Variants in ZNF536 observed in about 807,000 individuals in gnomAD.
ZNF536 encodes the protein zinc finger protein 536.
A neutral mutation model predicts 84.5 loss-of-function variants in ZNF536; 13 were observed. That is an observed-to-expected ratio of 0.15 (90% CI 0.10 to 0.24). The LOEUF (loss-of-function observed/expected upper bound fraction) is 0.24, where lower values mean the gene tolerates loss of function less well. ZNF536 is among the 10% of genes least tolerant of loss of function. The pLI, the probability that ZNF536 is intolerant of heterozygous loss-of-function variation, is 1.00. For missense variants in ZNF536, 1,536 were observed against 1,747.5 expected, an observed-to-expected ratio of 0.88 and a Z score of 2.16; for synonymous variants, 811 against 742.5, an observed-to-expected ratio of 1.09 and a Z score of -1.50.
At chr19:30,526,819 T>C (rs1029422116) in intron 2 of ZNF536, among the ~76,000 whole-genome samples, 5 of 152,182 alleles carry the variant, frequency 3.3e-5, no homozygotes, top group Admixed American at 3.3e-4. Flanking sequence ...CCTGGTATAT[T>C]TTAAGGAAAA....
intron 1 of ZNF536, among the ~76,000 whole-genome samples, chr19:30,248,756 G>C (rs1170436704): frequency 6.6e-6 from 1 of 152,048 alleles, no homozygotes; most frequent in Non-Finnish European, 1.5e-5. Context: ...TTTTGACCTT[G>C]GCCAGCAGTG....
At chr19:30,246,881 A>G (rs2024309820) in intron 1 of ZNF536, among the ~76,000 whole-genome samples, 1 of 152,214 alleles carries the variant, frequency 6.6e-6, no homozygotes, top group East Asian at 1.9e-4. Flanking sequence ...ATTTGAAGAC[A>G]CTATTATTCA....
chr19:30,400,550 T>C (rs149940041), intron 1 of ZNF536, among the ~76,000 whole-genome samples: 6 of 152,158 alleles, frequency 3.9e-5, no homozygotes, highest in Non-Finnish European at 8.8e-5. Flanking sequence ...ATTTATTGAG[T>C]TGAGTTTTGA....
At chr19:30,352,018 A>G (rs1201803665) in intron 2 of ZNF536, among the ~76,000 whole-genome samples, 1 of 152,236 alleles carries the variant, frequency 6.6e-6, no homozygotes, top group Non-Finnish European at 1.5e-5. Context: ...AGGTGTAAAT[A>G]GCATTAAAAG....
At chr19:30,287,739 T>G in intron 2 of ZNF536, among the ~76,000 whole-genome samples, 1 of 136,370 alleles carries the variant, frequency 7.3e-6, no homozygotes, top group Admixed American at 7.3e-5. Flanking sequence ...GGTGGCTGGA[T>G]GGGTGGGTGG....
intron 1 of ZNF536, among the ~76,000 whole-genome samples, chr19:30,583,421 C>T (rs115982834): frequency 1.4e-4 from 21 of 152,328 alleles, no homozygotes; most frequent in African/African-American, 5.1e-4. Flanking sequence ...GCAGAGAGGC[C>T]ATTGGCAAGC....
exon 2 of ZNF536, chr19:30,713,004 G>A (rs1180468164): frequency 6.6e-6 from 1 of 151,706 alleles, no homozygotes; most frequent in Non-Finnish European, 1.5e-5. Context: ...AAAAATGAGA[G>A]CCACATTCCA....
intron 2 of ZNF536, among the ~76,000 whole-genome samples, chr19:30,320,028 T>C (rs1248373763): frequency 6.6e-6 from 1 of 152,240 alleles, no homozygotes; most frequent in Non-Finnish European, 1.5e-5. Flanking sequence ...TTTTTCATCC[T>C]TTTGCCATTG....
At chr19:30,328,258 T>C (rs568558557) in intron 2 of ZNF536, among the ~76,000 whole-genome samples, 1 of 152,298 alleles carries the variant, frequency 6.6e-6, no homozygotes, top group East Asian at 1.9e-4. Flanking sequence ...AGAGAAAGAC[T>C]TGGGCCTCCA....
chr19:30,603,134 CAT>C (rs1481617850), intron 1 of ZNF536, among the ~76,000 whole-genome samples: 2 of 152,176 alleles, frequency 1.3e-5, no homozygotes, highest in Non-Finnish European at 2.9e-5. Flanking sequence ...GGGGCTAATA[CAT>C]ATATTCAACG....
chr19:30,442,524 A>C (rs73546127), intron 1 of ZNF536, among the ~76,000 whole-genome samples: 4,886 of 152,264 alleles, frequency 0.032, 276 homozygotes, highest in African/African-American at 0.11. Flanking sequence ...CTAGTTCTAT[A>C]AAAGACCTCT....
chr19:30,621,841 T>C (rs1425328574), intron 1 of ZNF536, among the ~76,000 whole-genome samples: 1 of 152,246 alleles, frequency 6.6e-6, no homozygotes, highest in Non-Finnish European at 1.5e-5. Context: ...CCTGTGCTTC[T>C]AGGTCTTTCT....
chr19:30,623,040 G>GT (rs778168856), intron 1 of ZNF536, among the ~76,000 whole-genome samples: 6,605 of 99,120 alleles, frequency 0.067, 491 homozygotes, highest in African/African-American at 0.14. Context: ...TTGTTTTTTT[G>GT]TTTTTTTGTT....
chr19:30,403,481 A>G (rs2147549187), intron 1 of ZNF536, among the ~76,000 whole-genome samples: 1 of 152,312 alleles, frequency 6.6e-6, no homozygotes, highest in African/African-American at 2.4e-5. Context: ...TTTGGGTAAG[A>G]AGGACTATCT....
At chr19:30,664,196 G>T (rs2050219217) in intron 1 of ZNF536, among the ~76,000 whole-genome samples, 2 of 131,252 alleles carry the variant, frequency 1.5e-5, no homozygotes, top group African/African-American at 2.8e-5. Context: ...AGGAATTCTT[G>T]CTGAGTTTTC....
intron 1 of ZNF536, among the ~76,000 whole-genome samples, chr19:30,593,259 G>T (rs905342954): frequency 6.6e-6 from 1 of 152,084 alleles, no homozygotes; most frequent in Non-Finnish European, 1.5e-5. Flanking sequence ...GCTTCCTTGC[G>T]CTGTGACCAA....
At position 30,646,792 on chromosome 19, in the gene ZNF536, C is replaced by T. The variant is rs560482836; in HGVS notation, c.170-63965C>T. Among the ~76,000 whole-genome samples the T allele has an allele frequency of 1.1e-4, 17 of 152,260 alleles. No homozygotes were observed. In the South Asian group the frequency reaches 2.1e-3, roughly 19 times the overall value. On this transcript the variant is annotated intron_variant, in intron 1 of 1. Coordinates refer to the ZNF536 transcript ENST00000592773. ...GTATCAACTGGCACCTGCCCTCCGACGTTACACCTGCAGGAGAATTCCACC... is the reference window on the plus strand; with the variant it reads ...GTATCAACTGGCACCTGCCCTCCGATGTTACACCTGCAGGAGAATTCCACC...
At chr19:30,373,001 T>C (rs1423374864) in intron 1 of ZNF536, among the ~76,000 whole-genome samples, 1 of 152,210 alleles carries the variant, frequency 6.6e-6, no homozygotes, top group Non-Finnish European at 1.5e-5. Context: ...ATTTTGCTTT[T>C]AATCTGTCTC....
At chr19:30,410,576 G>A (rs935086806) in intron 1 of ZNF536, among the ~76,000 whole-genome samples, 178 of 145,478 alleles carry the variant, frequency 1.2e-3, no homozygotes, top group African/African-American at 4.4e-3. Context: ...CCGGGTTCAC[G>A]CCATTCTCCT....
Sources: gnomAD v4.1 joint callset for allele counts (sites outside exome capture counted in the v4.1 genomes callset) on GRCh38, gnomAD v4.1.1 for gene constraint, MANE v1.5 for transcripts, NCBI Gene and HGNC (gene_info 2026-07-23, HGNC 2026-07-21) for gene names.